FMNL1: variants seen among roughly 807,000 people sequenced by gnomAD.
FMNL1 encodes formin like 1.
Under a neutral mutation model 121.3 loss-of-function variants are expected in FMNL1, and 43 were observed. The observed-to-expected ratio is 0.35, with a 90% CI of 0.28 to 0.46. The LOEUF (loss-of-function observed/expected upper bound fraction) is 0.46, where lower values mean the gene tolerates loss of function less well. Among genes scored for constraint, FMNL1 ranks in the 20% least tolerant of loss-of-function variants. The pLI is 1.00. For synonymous variants in FMNL1, 613 were observed against 613.5 expected (o/e 1.00, Z 0.01); for missense variants, 1,191 against 1,482.4 (o/e 0.80, Z 3.23).
chr17:45,241,962 T>C lies in FMNL1; in HGVS notation c.1701T>C (p.Pro567=). The C allele has an allele frequency of 7.8e-7, 1 of 1,285,420 alleles. No individual in the cohort carries two copies. Among genetic ancestry groups the C allele is most frequent in the Non-Finnish European group, 9.8e-7 (1 of 1,023,132 alleles). 79.6% of individuals were successfully genotyped at this position (1,285,420 alleles called of 1,614,324 possible). The part of the protein sequence containing the change: ...APPSAPPQAP[P]LPGSPEPPPA... ...CCTCTGCGCCCCCACAGGCCCCGCC[T>C]CTCCCTGGCAGCCCGGAGCCCCCGC... Residue 567 remains proline (P), a synonymous_variant, in exon 15 of 27, where the codon CCT becomes CCC. Coordinates refer to ENST00000331495, the MANE Select transcript of FMNL1 (RefSeq NM_005892.4). This position sits in a 1 kb window ranked among gnomAD's most constrained non-coding sequence, Gnocchi z 7.0.
chr17:45,238,911 C>T (rs754734739), intron 10 of FMNL1, 44 bp from the exon 11 acceptor site: 3 of 1,537,588 alleles, frequency 2.0e-6, no homozygotes, highest in Admixed American at 3.3e-5. Context: ...ATTGAGCAAC[C>T]CCACCTAGAG....
In FMNL1 at chr17:45,245,563, T is replaced by C. The variant is rs756161458; in HGVS notation, c.2893-69T>C. 9 of 1,602,858 alleles carry C rather than the reference T, an allele frequency of 5.6e-6. No homozygotes were observed. The African/African-American group carries it at 6.7e-5, about 12-fold the overall frequency. On this transcript the variant is annotated intron_variant, in intron 22 of 26. Coordinates refer to ENST00000331495, the MANE Select transcript of FMNL1 (RefSeq NM_005892.4). Reference sequence around the variant, plus strand: ...CTGCCTGGGAGGAGCTCAGATCAGGTGGCCAGTGTCCTGAGGGGTACAGGC... The same window carrying C: ...CTGCCTGGGAGGAGCTCAGATCAGGCGGCCAGTGTCCTGAGGGGTACAGGC...
At chr17:45,232,034 C>T (rs1243296204) in intron 2 of FMNL1, among the ~76,000 whole-genome samples, 7 of 152,102 alleles carry the variant, frequency 4.6e-5, no homozygotes, top group Admixed American at 1.3e-4. Flanking sequence ...GCTAGCTGGG[C>T]GTGGTGGTGC....
Position 45,245,386 on chromosome 17 carries a change from C to T in FMNL1, c.2862C>T (p.Asp954=), listed in dbSNP as rs1163893427. Residue 954 remains aspartate (D), a synonymous_variant, in exon 22 of 27, where the codon GAC becomes GAT. Coordinates refer to ENST00000331495, the MANE Select transcript of FMNL1 (RefSeq NM_005892.4). ...TGAGGGCCAACTCGCCCACCATGGA[C>T]AAGCTGCTGGCAGACAGCAAGACGG... ...EFLRANSPTM[D]KLLADSKTAQ... is the part of the protein sequence containing the mutation. 2 of 1,614,202 alleles carry T rather than the reference C, an allele frequency of 1.2e-6. No individual in the cohort carries two copies. The highest frequency in any genetic ancestry group is 1.1e-5 in the South Asian group (1 of 91,082).
In FMNL1 at chr17:45,233,375, T is replaced by G; in HGVS notation, c.401+78T>G. The G allele has an allele frequency of 2.8e-6, 4 of 1,426,842 alleles. No homozygotes were observed. The highest frequency in any genetic ancestry group is 3.8e-6 in the Non-Finnish European group (4 of 1,046,240). 88.4% of individuals were successfully genotyped at this position (1,426,842 alleles called of 1,614,324 possible). ...GGCAGCTCCTGGAGCTTCCCCTTCC[T>G]ACTCCCCCTGCCCCCTGCACAAGGC... On this transcript the variant is annotated intron_variant, in intron 4 of 26. Coordinates refer to ENST00000331495, the MANE Select transcript of FMNL1 (RefSeq NM_005892.4). This position sits in a 1 kb window ranked among gnomAD's most constrained non-coding sequence, Gnocchi z 4.1.
Position 45,245,005 on chromosome 17 carries a change from C to G in FMNL1, c.2625C>G (p.Arg875=). The G allele has an allele frequency of 1.9e-6, 3 of 1,613,958 alleles. No individual in the cohort carries two copies. The highest frequency in any genetic ancestry group is 1.1e-5 in the South Asian group (1 of 91,084). ...DALLEMKSTD[R]KQTLLHYLVK... is the part of the protein sequence containing the mutation. ...TGTTGGAGATGAAGTCGACTGATCG[C>G]AAGCAGACGCTGCTGCACTACCTGG... Residue 875 remains arginine, a synonymous_variant, in exon 21 of 27, where the codon CGC becomes CGG. Transcript: ENST00000331495.
Position 45,233,205 on chromosome 17 carries a change from C to T in FMNL1, c.328-19C>T, listed in dbSNP as rs1215607034. On this transcript the variant is annotated intron_variant, in intron 3 of 26. Coordinates refer to ENST00000331495, the MANE Select transcript of FMNL1 (RefSeq NM_005892.4). This position sits in a 1 kb window ranked among gnomAD's most constrained non-coding sequence, Gnocchi z 4.1. ...AGGCCGGGCTCCACCCACCAGCCTT[C>T]CCTGTTCTCGGTCCCCAGTTTAAGA... The T allele has an allele frequency of 1.3e-6, 2 of 1,552,840 alleles. No homozygotes were observed. The highest frequency in any genetic ancestry group is 1.2e-5 in the South Asian group (1 of 84,132).
chr17:45,240,780 A>C, intron 12 of FMNL1, 155 bp downstream of exon 12: 1 of 1,121,116 alleles, frequency 8.9e-7, no homozygotes, highest in Non-Finnish European at 1.2e-6. Context: ...GCCTGAATCC[A>C]AAGCCTGAAT....
chr17:45,239,215 C>T (rs370556380), intron 11 of FMNL1, 150 bp downstream of exon 11: 4 of 641,114 alleles, frequency 6.2e-6, no homozygotes, highest in South Asian at 1.9e-5. Context: ...TAGGCCTCTT[C>T]CTCTCTCTCA....
chr17:45,234,783 C>T (rs758243301), intron 6 of FMNL1: 1 of 159,678 alleles, frequency 6.3e-6, no homozygotes, highest in African/African-American at 2.4e-5. Flanking sequence ...GTTGGTGGGA[C>T]CCCTCTTGTA....
Position 45,247,058 on chromosome 17 carries a change from G to A in FMNL1, c.*200G>A, listed in dbSNP as rs2143685243. On this transcript the variant is annotated 3_prime_UTR_variant, in exon 27 of 27. Coordinates refer to ENST00000331495, the MANE Select transcript of FMNL1 (RefSeq NM_005892.4). ...AAGGTGGTCCTCAGCTCGGCTGGCC[G>A]GGCAGCCCCTCCTCCGCTGTGGCCC... 1 of 632,370 alleles carries A rather than the reference G, an allele frequency of 1.6e-6. No individual in the cohort carries two copies. Among genetic ancestry groups the A allele is most frequent in the Non-Finnish European group, 2.9e-6 (1 of 343,544 alleles). 39.2% of individuals were successfully genotyped at this position (632,370 alleles called of 1,614,324 possible).
chr17:45,226,570 G>A (rs1388303139), intron 1 of FMNL1, among the ~76,000 whole-genome samples: 1 of 152,196 alleles, frequency 6.6e-6, no homozygotes, highest in Non-Finnish European at 1.5e-5. Context: ...TAACCTCCTT[G>A]AGTCTCAGTT....
Position 45,241,828 on chromosome 17 carries a change from C to A in FMNL1, c.1586-19C>A. 1 of 1,413,620 alleles carries A rather than the reference C, an allele frequency of 7.1e-7. No homozygotes were observed. Among genetic ancestry groups the A allele is most frequent in the Non-Finnish European group, 9.2e-7 (1 of 1,091,970 alleles). 87.6% of individuals were successfully genotyped at this position (1,413,620 alleles called of 1,614,324 possible). ...GAGCTGACTCGCGCCTCCCCCACGC[C>A]GCGCCCTCGCTGGCTCAGATCTCGC... On this transcript the variant is annotated intron_variant, in intron 14 of 26. Coordinates refer to ENST00000331495, the MANE Select transcript of FMNL1 (RefSeq NM_005892.4). This position sits in a 1 kb window ranked among gnomAD's most constrained non-coding sequence, Gnocchi z 7.0.
chr17:45,238,635 C>T lies in FMNL1; in HGVS notation c.966C>T (p.Phe322=). 6.2e-7 allele frequency: 1 copy of T among 1,614,184 alleles called. No individual in the cohort carries two copies. The highest frequency in any genetic ancestry group is 1.1e-5 in the South Asian group (1 of 91,084). The change falls in exon 10 of 27, where the codon TTC becomes TTT. Residue 322 remains phenylalanine (F), a synonymous_variant. Coordinates refer to ENST00000331495, the MANE Select transcript of FMNL1 (RefSeq NM_005892.4). Reference sequence around the variant, plus strand: ...GGAATGAGGACAGCAACATCGACTTCATGGTGAGCTCAGGAGCCCAGCAGC... The same window carrying T: ...GGAATGAGGACAGCAACATCGACTTTATGGTGAGCTCAGGAGCCCAGCAGC... ...YFRNEDSNID[F]MVACMQFINI...
At chr17:45,242,970 C>T in intron 16 of FMNL1, 148 bp from the exon 17 acceptor site, 1 of 832,590 alleles carries the variant, frequency 1.2e-6, no homozygotes, top group Non-Finnish European at 1.9e-6. Flanking sequence ...CCCTGTGCCT[C>T]CCATCAGGGC....
rs1046843775 is a variant in FMNL1, at chr17:45,245,056, G to A, written c.2676G>A (p.Pro892=). 11 of 1,614,076 alleles carry A rather than the reference G, an allele frequency of 6.8e-6. No individual in the cohort carries two copies. The highest frequency in any genetic ancestry group is 4.5e-5 in the East Asian group (2 of 44,906). Residue 892 remains proline, a synonymous_variant, in exon 21 of 27, where the codon CCG becomes CCA. Coordinates refer to ENST00000331495, the MANE Select transcript of FMNL1 (RefSeq NM_005892.4). ...TGAAGGTCATTGCTGAGAAGTACCC[G>A]CAACTCACAGGCTTCCACAGCGACC... ...YLVKVIAEKY[P]QLTGFHSDLH...
At position 45,240,624 on chromosome 17, in the gene FMNL1, T is replaced by C; in HGVS notation, c.1229T>C (p.Leu410Pro). 6.2e-7 allele frequency: 1 copy of C among 1,612,742 alleles called. No homozygotes were observed. The highest frequency in any genetic ancestry group is 8.5e-7 in the Non-Finnish European group (1 of 1,179,576). Residue 410 changes from leucine to proline, a missense_variant and splice_region_variant, in exon 12 of 27, where the codon CTG becomes CCG. This residue lies in a region of FMNL1 where 519 missense variants were observed against 492.8 expected (regional missense o/e 1.05). Transcript: ENST00000331495. ...HMEELQEQVA[L>P]LTERLRDAEN... is the part of the protein sequence containing the mutation. ...GAGGAACTGCAGGAGCAAGTGGCGC[T>C]GGTGAGAGTGGGTCCTGACCCCAGC...
intron 3 of FMNL1, 57 bp downstream of exon 3, chr17:45,232,537 C>A (rs2043460885): frequency 1.3e-6 from 2 of 1,518,960 alleles, no homozygotes; most frequent in South Asian, 1.1e-5. Context: ...AAGCTCTGGG[C>A]AGCTGGAGTA....
At chr17:45,234,240 A>G in intron 6 of FMNL1, 40 bp downstream of exon 6, 1 of 1,613,468 alleles carries the variant, frequency 6.2e-7, no homozygotes, top group Non-Finnish European at 8.5e-7. Flanking sequence ...AGAACAGAGA[A>G]TTCAGCCCCC....
Sources: gnomAD v4.1 joint callset for allele counts (sites outside exome capture counted in the v4.1 genomes callset) on GRCh38, gnomAD v4.1.1 for gene constraint, gnomAD v4.1.1 regional missense constraint, Gnocchi (gnomAD v3.1) non-coding constraint, MANE v1.5 for transcripts, NCBI Gene and HGNC (gene_info 2026-07-23, HGNC 2026-07-21) for gene names.